Variants in EVC observed in about 807,000 individuals in gnomAD.
EVC encodes EvC ciliary complex subunit 1, also known as evC complex member EVC.
In EVC, 116 loss-of-function variants were observed where a neutral mutation model predicts 118.9. The ratio of observed to expected loss-of-function variants is 0.98; its 90% CI spans 0.84 to 1.14. The LOEUF is 1.14. EVC is among the 50% of genes most tolerant of loss of function. EVC has a pLI of 0.00. For synonymous variants in EVC, 619 were observed against 534.7 expected (o/e 1.16, Z -2.18); for missense variants, 1,401 against 1,246.4 (o/e 1.12, Z -1.87).
intron 2 of EVC, 113 bp from the exon 3 acceptor site, chr4:5,729,194 G>A (rs899124003): frequency 1.1e-6 from 1 of 924,916 alleles, no homozygotes; most frequent in Non-Finnish European, 1.8e-6. Flanking sequence ...GCCTATCATG[G>A]TCCCTTTCTG....
At chr4:5,816,952 C>G (rs1171465649), downstream of EVC, among the ~76,000 whole-genome samples, 1 of 152,170 alleles carries the variant, frequency 6.6e-6, no homozygotes, top group Non-Finnish European at 1.5e-5. Context: ...AGAACTGACT[C>G]CTGTCCATGT....
At position 5,802,177 on chromosome 4, in the gene EVC, C is replaced by T. The variant is rs1031918; in HGVS notation, c.2449+83C>T. On this transcript the variant is annotated intron_variant, in intron 16 of 20. Transcript: ENST00000264956. ...TTGGGGCAGAATAGGATGTCAGATA[C>T]TGTGAATTTTATTTTTGGGAATATA... 1,108,188 of 1,525,674 alleles carry T rather than the reference C, an allele frequency of 0.73. 404,632 individuals are homozygous for T. Among genetic ancestry groups the T allele is most frequent in the South Asian group, 0.82 (72,191 of 88,266 alleles). 94.5% of individuals were successfully genotyped at this position (1,525,674 alleles called of 1,614,324 possible). A position where few individuals can be genotyped will look rare whatever the true frequency, so the allele number is the denominator to read the frequency against.
Position 5,738,549 on chromosome 4 carries a change from A to G in EVC, c.703-3167A>G, listed in dbSNP as rs2151976404. On this transcript the variant is annotated intron_variant, in intron 5 of 20. Coordinates refer to ENST00000264956, the MANE Select transcript of EVC (RefSeq NM_153717.3). The surrounding 1 kb of genome is among the most constrained non-coding windows in gnomAD (Gnocchi z 6.5). ...CTAACCTTCAGCAACCACTACCCTC[A>G]TAAGTCAGTAGCCATCAACATTGAG... Among the ~76,000 whole-genome samples the G allele has an allele frequency of 6.6e-6, 1 of 152,094 alleles. No homozygotes were observed. Among genetic ancestry groups the G allele is most frequent in the Non-Finnish European group, 1.5e-5 (1 of 67,984 alleles).
chr4:5,797,240 C>T lies in EVC; in HGVS notation c.2097+8C>T. The T allele has an allele frequency of 1.3e-6, 2 of 1,597,572 alleles. No individual in the cohort carries two copies. Among genetic ancestry groups the T allele is most frequent in the Non-Finnish European group, 1.7e-6 (2 of 1,172,730 alleles). ...CAGCTGCTCAGGGCCCTGGTAAGACCAGCATGGTGGCCCCACCCATTCCAG... is the reference window on the plus strand; with the variant it reads ...CAGCTGCTCAGGGCCCTGGTAAGACTAGCATGGTGGCCCCACCCATTCCAG... On this transcript the variant is annotated splice_region_variant and intron_variant, in intron 14 of 20. Coordinates refer to ENST00000264956, the MANE Select transcript of EVC (RefSeq NM_153717.3).
At chr4:5,782,973 A>G (rs1465617203) in intron 11 of EVC, among the ~76,000 whole-genome samples, 1 of 152,076 alleles carries the variant, frequency 6.6e-6, no homozygotes, top group African/African-American at 2.4e-5. Flanking sequence ...GCAGGTGTGA[A>G]GCTTGGCAAG....
In EVC at chr4:5,731,424, G is replaced by A; in HGVS notation, c.385-1G>A. ...GAGTGTGACTCCTACTGCCACCCCA[G>A]CCTCTGGCCGATGGCTCCTCCAACC... On this transcript the variant is annotated splice_acceptor_variant, in intron 3 of 20. Coordinates refer to ENST00000264956, the MANE Select transcript of EVC (RefSeq NM_153717.3). LOFTEE classifies it high-confidence loss of function. The surrounding 1 kb of genome is among the most constrained non-coding windows in gnomAD (Gnocchi z 5.6). 1.9e-6 allele frequency: 3 copies of A among 1,612,954 alleles called. No homozygotes were observed. In the South Asian group the frequency reaches 3.3e-5, roughly 18 times the overall value.
At chr4:5,752,181 C>T (rs1056198544) in intron 8 of EVC, among the ~76,000 whole-genome samples, 1 of 152,078 alleles carries the variant, frequency 6.6e-6, no homozygotes, top group African/African-American at 2.4e-5. Context: ...CCAACGTCCG[C>T]CGTCCGCTCC....
Position 5,756,415 on chromosome 4 carries a change from C to A in EVC, c.1563+53C>A. The stretch of plus-strand genomic sequence containing the variant: ...AGAAGCCCCAGGGTCTGTGTGTGTG[C>A]GAGAACCTCACATCCTCCTGGCTGG... On this transcript the variant is annotated intron_variant, in intron 11 of 20. Coordinates refer to ENST00000264956, the MANE Select transcript of EVC (RefSeq NM_153717.3). This position sits in a 1 kb window ranked among gnomAD's most constrained non-coding sequence, Gnocchi z 4.2. The A allele has an allele frequency of 6.9e-7, 1 of 1,459,408 alleles. No homozygotes were observed. The highest frequency in any genetic ancestry group is 9.5e-7 in the Non-Finnish European group (1 of 1,057,782). 90.4% of individuals were successfully genotyped at this position (1,459,408 alleles called of 1,614,324 possible). A position where few individuals can be genotyped will look rare whatever the true frequency, so the allele number is the denominator to read the frequency against.
chr4:5,829,012 ATG>A, the EVC span, among the ~76,000 whole-genome samples: 52 of 151,698 alleles, frequency 3.4e-4, no homozygotes, highest in Non-Finnish European at 5.3e-4. Context: ...TTTACTTAAA[ATG>A]TGTCTTTAAA....
rs559817888 is a variant in EVC, at chr4:5,792,058, A to T, written c.1777-1550A>T. Among the ~76,000 whole-genome samples the T allele has an allele frequency of 2.6e-5, 4 of 152,362 alleles. No individual in the cohort carries two copies. The South Asian group carries it at 8.3e-4, about 32-fold the overall frequency. On this transcript the variant is annotated intron_variant, in intron 12 of 20. Transcript: ENST00000264956. Reference sequence around the variant, plus strand: ...TGACTTCCAAGGTAGAGAAAAAAGTATTCCAAAATGCAGGTTAGACACCTA... The same window carrying T: ...TGACTTCCAAGGTAGAGAAAAAAGTTTTCCAAAATGCAGGTTAGACACCTA...
rs1227816931 is a variant in EVC at position 5,742,965 on chromosome 4, A to G, written c.801+1151A>G. Reference sequence around the variant, plus strand: ...GTTGGTAACATATGGATGCTTGGCAACTGTATTTATACTCATGTAAACCCA... The same window carrying G: ...GTTGGTAACATATGGATGCTTGGCAGCTGTATTTATACTCATGTAAACCCA... On this transcript the variant is annotated intron_variant, in intron 6 of 20. Coordinates refer to ENST00000264956, the MANE Select transcript of EVC (RefSeq NM_153717.3). This position sits in a 1 kb window ranked among gnomAD's most constrained non-coding sequence, Gnocchi z 5.2. Among the ~76,000 whole-genome samples, 1 of 152,228 alleles carries G rather than the reference A, an allele frequency of 6.6e-6. No individual in the cohort carries two copies. The highest frequency in any genetic ancestry group is 2.4e-5 in the African/African-American group (1 of 41,460).
At chr4:5,804,094 CG>C (rs925773120) in intron 16 of EVC, among the ~76,000 whole-genome samples, 1 of 152,088 alleles carries the variant, frequency 6.6e-6, no homozygotes, top group Admixed American at 6.5e-5. Flanking sequence ...CATGTCACTG[CG>C]CCTGGCTCAT....
intron 17 of EVC, among the ~76,000 whole-genome samples, chr4:5,805,892 T>TC (rs1715806974): frequency 9.7e-5 from 2 of 20,590 alleles, no homozygotes; most frequent in Non-Finnish European, 3.0e-4. Flanking sequence ...GTTTCTTTTC[T>TC]TTTTTTTTTT....
At chr4:5,768,413 C>G (rs1733369248) in intron 11 of EVC, among the ~76,000 whole-genome samples, 1 of 152,060 alleles carries the variant, frequency 6.6e-6, no homozygotes, top group South Asian at 2.1e-4. Context: ...AGGGAGAAAG[C>G]CTGGAGCTTT....
chr4:5,731,216 G>A lies in EVC; in HGVS notation c.385-209G>A, dbSNP rs1726755469. On this transcript the variant is annotated intron_variant, in intron 3 of 20. Coordinates refer to ENST00000264956, the MANE Select transcript of EVC (RefSeq NM_153717.3). This position sits in a 1 kb window ranked among gnomAD's most constrained non-coding sequence, Gnocchi z 5.6. The stretch of plus-strand genomic sequence containing the variant: ...GGTGCAGAGGGGCTGGCCTTGTGAG[G>A]ACAAGTGAACTGTGATTCGGGCCTC... Among the ~76,000 whole-genome samples, 1 of 152,014 alleles carries A rather than the reference G, an allele frequency of 6.6e-6. No homozygotes were observed. The highest frequency in any genetic ancestry group is 3.2e-3 in the Middle Eastern group (1 of 316).
intron 12 of EVC, among the ~76,000 whole-genome samples, chr4:5,791,672 T>C (rs1327506490): frequency 6.6e-6 from 1 of 152,134 alleles, no homozygotes; most frequent in Non-Finnish European, 1.5e-5. Context: ...GCCAGCTTGT[T>C]ACTCACAGCT....
chr4:5,824,627 T>G, the EVC span: 11 of 950,324 alleles, frequency 1.2e-5, no homozygotes, highest in Non-Finnish European at 1.4e-5. Context: ...GAGAATAGTT[T>G]GTACATTTTC....
chr4:5,809,740 G>T (rs1716584716), intron 19 of EVC, 129 bp downstream of exon 19: 1 of 845,862 alleles, frequency 1.2e-6, no homozygotes. Flanking sequence ...GGGCTTTTGT[G>T]ACCTTGTCTG....
chr4:5,825,830 C>T, the EVC span: 8 of 639,248 alleles, frequency 1.3e-5, no homozygotes, highest in Admixed American at 7.0e-5. This position sits in a 1 kb window ranked among gnomAD's most constrained non-coding sequence, Gnocchi z 4.4. Flanking sequence ...CACATGCAGC[C>T]GCACACAGGC....
Sources: allele counts gnomAD v4.1 joint callset (sites outside exome capture counted in the v4.1 genomes callset), GRCh38; gene constraint gnomAD v4.1.1; non-coding constraint Gnocchi (gnomAD v3.1); transcripts MANE v1.5; gene names NCBI Gene and HGNC (gene_info 2026-07-23, HGNC 2026-07-21).